Variants in OLA1 observed in about 807,000 individuals in gnomAD.
OLA1 encodes the protein Obg like ATPase 1.
In OLA1, 14 loss-of-function variants were observed where a neutral mutation model predicts 48.4. The ratio of observed to expected loss-of-function variants is 0.29; its 90% CI spans 0.19 to 0.45. The LOEUF (loss-of-function observed/expected upper bound fraction) is 0.45. Ranked by LOEUF, OLA1 falls within the 20% of genes least tolerant of loss-of-function variation. The pLI is 1.00. For missense variants in OLA1, 325 were observed against 467.1 expected (o/e 0.70, Z 2.80); for synonymous variants, 127 against 150.4 (o/e 0.84, Z 1.14).
chr2:174,218,930 C>G (rs1269052286), intron 4 of OLA1, among the ~76,000 whole-genome samples: 2 of 151,956 alleles, frequency 1.3e-5, no homozygotes, highest in Non-Finnish European at 2.9e-5. Flanking sequence ...AAGTGATTCT[C>G]CTGCCTCAGC....
At chr2:174,166,694 A>C (rs946776734) in intron 4 of OLA1, among the ~76,000 whole-genome samples, 7 of 152,216 alleles carry the variant, frequency 4.6e-5, no homozygotes, top group Admixed American at 2.0e-4. Flanking sequence ...TCTGTTCTGT[A>C]ATAACACAGA....
chr2:174,088,351 T>C (rs747602786), intron 7 of OLA1, among the ~76,000 whole-genome samples: 11 of 152,184 alleles, frequency 7.2e-5, no homozygotes, highest in Non-Finnish European at 1.2e-4. Context: ...GATATCAGAG[T>C]CCTCTTTACC....
intron 6 of OLA1, 126 bp from the exon 7 acceptor site, chr2:174,123,403 T>C (rs534247440): frequency 2.8e-5 from 17 of 608,266 alleles, no homozygotes; most frequent in African/African-American, 2.7e-4. Context: ...AATTCTTCTT[T>C]CCAAAAGATT....
At chr2:174,168,020 A>G (rs1056741671) in intron 4 of OLA1, among the ~76,000 whole-genome samples, 1 of 152,240 alleles carries the variant, frequency 6.6e-6, no homozygotes, top group African/African-American at 2.4e-5. Context: ...AAAGGAAATC[A>G]GAAAGACTGC....
chr2:174,081,066 C>T lies in OLA1; in HGVS notation c.966+86G>A. ...ATCTGTAATGACTAGCTAACCGCCA[C>T]CATGACAAACTTCAAAGTCAGTGAT... is the stretch of plus-strand genomic sequence containing the variant. On this transcript the variant is annotated intron_variant, in intron 9 of 10. Coordinates refer to ENST00000284719, the MANE Select transcript of OLA1 (RefSeq NM_013341.5). The T allele has an allele frequency of 4.4e-6, 5 of 1,131,022 alleles. No individual in the cohort carries two copies. The South Asian group carries it at 5.1e-5, about 12-fold the overall frequency. 70.1% of individuals were successfully genotyped at this position (1,131,022 alleles called of 1,614,324 possible). A position where few individuals can be genotyped will look rare whatever the true frequency, so the allele number is the denominator to read the frequency against.
chr2:174,145,744 G>T (rs1361890252), intron 4 of OLA1, among the ~76,000 whole-genome samples: 1 of 152,064 alleles, frequency 6.6e-6, no homozygotes, highest in African/African-American at 2.4e-5. Flanking sequence ...AATAAATTTA[G>T]CCAAAAATGT....
At chr2:174,236,301 A>G (rs1688850397) in intron 2 of OLA1, among the ~76,000 whole-genome samples, 1 of 152,174 alleles carries the variant, frequency 6.6e-6, no homozygotes, top group African/African-American at 2.4e-5. Flanking sequence ...AGGATATAAA[A>G]GCTAATATAA....
chr2:174,245,688 G>C (rs1363137298), intron 2 of OLA1, among the ~76,000 whole-genome samples: 1 of 152,194 alleles, frequency 6.6e-6, no homozygotes, highest in East Asian at 1.9e-4. Flanking sequence ...GAGGTCAGGA[G>C]TTCAACACCA....
At chr2:174,103,057 A>G (rs1244535591) in intron 7 of OLA1, among the ~76,000 whole-genome samples, 1 of 152,180 alleles carries the variant, frequency 6.6e-6, no homozygotes, top group African/African-American at 2.4e-5. Context: ...TGTTGTTCTA[A>G]GATCGGAGAA....
At chr2:174,183,050 C>T (rs1039116750) in intron 4 of OLA1, among the ~76,000 whole-genome samples, 2 of 151,730 alleles carry the variant, frequency 1.3e-5, no homozygotes, top group Non-Finnish European at 2.9e-5. Context: ...TCTCTAAAAA[C>T]GTCATTTTTT....
intron 5 of OLA1, among the ~76,000 whole-genome samples, chr2:174,126,857 A>G (rs1686057092): frequency 6.6e-6 from 1 of 152,172 alleles, no homozygotes; most frequent in African/African-American, 2.4e-5. Context: ...ATACTTTTTC[A>G]TCTGTATAAT....
At chr2:174,209,104 G>A (rs1231717015) in intron 4 of OLA1, among the ~76,000 whole-genome samples, 1 of 152,080 alleles carries the variant, frequency 6.6e-6, no homozygotes, top group East Asian at 1.9e-4. Flanking sequence ...ACCACCCTGG[G>A]CAACAAACAT....
At chr2:174,162,414 C>T (rs555731099) in intron 4 of OLA1, among the ~76,000 whole-genome samples, 1 of 152,208 alleles carries the variant, frequency 6.6e-6, no homozygotes, top group African/African-American at 2.4e-5. Context: ...TATGGAATAA[C>T]AGCAATACTC....
chr2:174,226,049 A>AC (rs199937738), intron 3 of OLA1, among the ~76,000 whole-genome samples: 6 of 102,344 alleles, frequency 5.9e-5, no homozygotes, highest in Non-Finnish European at 1.0e-4. Context: ...ATACAAAAAA[A>AC]TTAGCCGGGC....
intron 2 of OLA1, among the ~76,000 whole-genome samples, chr2:174,239,061 T>C (rs1279635801): frequency 6.6e-6 from 1 of 152,198 alleles, no homozygotes; most frequent in Non-Finnish European, 1.5e-5. Context: ...TTTTGTACAA[T>C]AGGATTTTAC....
At chr2:174,242,275 A>G (rs1689020255) in intron 2 of OLA1, among the ~76,000 whole-genome samples, 1 of 152,220 alleles carries the variant, frequency 6.6e-6, no homozygotes, top group Non-Finnish European at 1.5e-5. Context: ...TTAGATCATC[A>G]GGCATTAGTT....
chr2:174,150,607 C>A (rs996199919), intron 4 of OLA1, among the ~76,000 whole-genome samples: 4 of 152,198 alleles, frequency 2.6e-5, no homozygotes, highest in African/African-American at 9.6e-5. Flanking sequence ...ACACAGAATT[C>A]CTTGGTATAT....
At position 174,073,446 on chromosome 2, in the gene OLA1, AAC is replaced by A. The variant is rs1684652959; in HGVS notation, c.*1978_*1979del. The A allele has an allele frequency of 6.6e-6, 1 of 152,380 alleles. No homozygotes were observed. The highest frequency in any genetic ancestry group is 2.1e-4 in the South Asian group (1 of 4,828). The allele number at this position is 152,380 out of a possible 1,614,324, so 9.4% of individuals were successfully genotyped here. The stretch of plus-strand genomic sequence containing the variant: ...TATAGGCATATATATGATTATATGT[AAC>A]AGTTCTTGGAATTCTCGACTTTCAG... On this transcript the variant is annotated 3_prime_UTR_variant, in exon 11 of 11. Transcript: ENST00000284719.
intron 7 of OLA1, among the ~76,000 whole-genome samples, chr2:174,114,407 G>C (rs534991894): frequency 6.8e-6 from 1 of 147,424 alleles, no homozygotes; most frequent in East Asian, 2.0e-4. Flanking sequence ...AGGAAGCGGG[G>C]AAGCAGGACA....
Sources: allele counts gnomAD v4.1 joint callset (sites outside exome capture counted in the v4.1 genomes callset), GRCh38; gene constraint gnomAD v4.1.1; transcripts MANE v1.5; gene names NCBI Gene and HGNC (gene_info 2026-07-23, HGNC 2026-07-21).